Variants in MBD5 observed in about 807,000 individuals in gnomAD.
The protein encoded by MBD5 is methyl-CpG binding domain protein 5, also known as methyl-CpG-binding domain protein 5.
In MBD5, 13 loss-of-function variants were observed where a neutral mutation model predicts 117.3. The observed-to-expected ratio is 0.11, with a 90% CI of 0.07 to 0.18. MBD5 has a LOEUF of 0.18. MBD5 is among the 10% of genes least tolerant of loss of function. The probability of loss-of-function intolerance (pLI) is 1.00; values close to 1 mark genes in which losing one functional copy is unlikely to be tolerated. For missense variants in MBD5, 1,879 were observed against 2,093.8 expected, an observed-to-expected ratio of 0.90 and a Z score of 2.00; for synonymous variants, 727 against 766.4, an observed-to-expected ratio of 0.95 and a Z score of 0.85.
At chr2:148,146,961 C>A (rs930520166) in intron 1 of MBD5, among the ~76,000 whole-genome samples, 1 of 152,030 alleles carries the variant, frequency 6.6e-6, no homozygotes, top group Non-Finnish European at 1.5e-5. Flanking sequence ...GATTTCTATT[C>A]ATTTCTTCTG....
chr2:148,421,976 C>T (rs1053403127), intron 4 of MBD5, among the ~76,000 whole-genome samples: 2 of 152,180 alleles, frequency 1.3e-5, no homozygotes, highest in East Asian at 1.9e-4. Context: ...GGACACAGCA[C>T]CTGGGGGAAG....
chr2:148,359,087 C>A (rs960446030), intron 4 of MBD5, among the ~76,000 whole-genome samples: 23 of 152,082 alleles, frequency 1.5e-4, no homozygotes, highest in African/African-American at 5.3e-4. Context: ...CATGGTGAAA[C>A]CCCATCTCTA....
intron 12 of MBD5, among the ~76,000 whole-genome samples, chr2:148,506,626 G>C (rs1682041695): frequency 6.6e-6 from 1 of 152,168 alleles, no homozygotes; most frequent in South Asian, 2.1e-4. Context: ...ACTACTCATA[G>C]AGGTGTACCT....
Position 148,459,996 on chromosome 2 carries a change from A to G in MBD5, c.113+1125A>G, listed in dbSNP as rs148733645. On this transcript the variant is annotated intron_variant, in intron 5 of 13. Transcript: ENST00000642680. ...GCTCATCCCATGGTAGATGAGATGA[A>G]CAAGCACACATGAGATAACTTCTTC... Among the ~76,000 whole-genome samples, 1,148 of 152,292 alleles carry G rather than the reference A, an allele frequency of 7.5e-3. 11 individuals carry two copies. Among genetic ancestry groups the G allele is most frequent in the African/African-American group, 0.026 (1,095 of 41,572 alleles).
intron 1 of MBD5, chr2:148,055,020 A>G (rs1694818591): frequency 6.6e-6 from 1 of 152,188 alleles, no homozygotes; most frequent in African/African-American, 2.4e-5. Flanking sequence ...CCAATTGCTA[A>G]TGAGATAAAT....
At chr2:148,432,458 A>G (rs1706019228) in intron 4 of MBD5, among the ~76,000 whole-genome samples, 1 of 152,122 alleles carries the variant, frequency 6.6e-6, no homozygotes, top group Admixed American at 6.6e-5. Context: ...TATATCCAGA[A>G]TAGTATTTCC....
At chr2:148,222,381 C>G (rs1399739224) in intron 2 of MBD5, among the ~76,000 whole-genome samples, 1 of 152,000 alleles carries the variant, frequency 6.6e-6, no homozygotes, top group Non-Finnish European at 1.5e-5. Context: ...TTGATTCTTC[C>G]AATCCATGGA....
chr2:148,505,699 A>C (rs1682012288), intron 12 of MBD5, among the ~76,000 whole-genome samples: 1 of 152,206 alleles, frequency 6.6e-6, no homozygotes, highest in Non-Finnish European at 1.5e-5. Context: ...TAATGTGAAA[A>C]ATTCCTGAAA....
At chr2:148,286,247 T>C (rs895542218) in intron 3 of MBD5, among the ~76,000 whole-genome samples, 10 of 152,244 alleles carry the variant, frequency 6.6e-5, no homozygotes, top group Admixed American at 1.3e-4. Context: ...TTCTGAATGA[T>C]TCTTGCTTTT....
At chr2:148,227,372 T>C (rs1699858554) in intron 2 of MBD5, among the ~76,000 whole-genome samples, 1 of 152,218 alleles carries the variant, frequency 6.6e-6, no homozygotes, top group Non-Finnish European at 1.5e-5. Flanking sequence ...AAATAGGGAA[T>C]CCTTTCCCCA....
At chr2:148,030,292 T>G (rs903282186) in intron 1 of MBD5, among the ~76,000 whole-genome samples, 61 of 151,478 alleles carry the variant, frequency 4.0e-4, no homozygotes, top group African/African-American at 1.4e-3. Flanking sequence ...AAAAAAAAGT[T>G]GGGAAATACT....
At chr2:148,146,363 A>T (rs958695116) in intron 1 of MBD5, among the ~76,000 whole-genome samples, 7 of 151,968 alleles carry the variant, frequency 4.6e-5, no homozygotes, top group Non-Finnish European at 1.0e-4. Context: ...GGCTCAAGTG[A>T]TCCTCTCTAT....
intron 3 of MBD5, among the ~76,000 whole-genome samples, chr2:148,314,590 C>T (rs1449127709): frequency 6.6e-6 from 1 of 151,940 alleles, no homozygotes; most frequent in Non-Finnish European, 1.5e-5. Context: ...TTTGGCCAGG[C>T]TGGTCTCTAA....
intron 1 of MBD5, among the ~76,000 whole-genome samples, chr2:148,033,181 T>C (rs1421932817): frequency 6.6e-6 from 1 of 152,134 alleles, no homozygotes; most frequent in East Asian, 1.9e-4. Context: ...TTAGCACATA[T>C]TCGTGTCAGT....
intron 4 of MBD5, among the ~76,000 whole-genome samples, chr2:148,380,639 G>A (rs1418203152): frequency 3.3e-5 from 5 of 152,114 alleles, no homozygotes; most frequent in African/African-American, 7.2e-5. Flanking sequence ...CTCCCAGCAC[G>A]CAGCTTGAGA....
intron 12 of MBD5, among the ~76,000 whole-genome samples, chr2:148,507,024 T>C (rs1682053460): frequency 6.6e-6 from 1 of 152,212 alleles, no homozygotes; most frequent in Admixed American, 6.5e-5. Flanking sequence ...ATACAAATAA[T>C]TTCATGCCCC....
chr2:148,361,718 T>C (rs1703538964), intron 4 of MBD5, among the ~76,000 whole-genome samples: 1 of 152,184 alleles, frequency 6.6e-6, no homozygotes, highest in Admixed American at 6.5e-5. Context: ...ATCAAAATGG[T>C]GGTGGCTGCC....
At chr2:148,439,104 A>G (rs1706240377) in intron 4 of MBD5, among the ~76,000 whole-genome samples, 1 of 152,200 alleles carries the variant, frequency 6.6e-6, no homozygotes, top group South Asian at 2.1e-4. Flanking sequence ...TCCACCTAAC[A>G]TGATCCAACT....
At chr2:148,195,173 C>T (rs906823150) in intron 2 of MBD5, among the ~76,000 whole-genome samples, 1 of 150,550 alleles carries the variant, frequency 6.6e-6, no homozygotes, top group Non-Finnish European at 1.5e-5. Flanking sequence ...AGAAGGAGTG[C>T]ATTTTAAATA....
Sources: allele counts gnomAD v4.1 joint callset (sites outside exome capture counted in the v4.1 genomes callset), GRCh38; gene constraint gnomAD v4.1.1; transcripts MANE v1.5; gene names NCBI Gene and HGNC (gene_info 2026-07-23, HGNC 2026-07-21).